The following SRI variants were observed in gnomAD, a reference collection of about 807,000 sequenced individuals.
SRI encodes the protein sorcin.
SRI carries 30 observed loss-of-function variants against 33.3 expected under a neutral mutation model. That is an observed-to-expected ratio of 0.90 (90% CI 0.67 to 1.22). SRI has a LOEUF of 1.22. Ranked by LOEUF, SRI falls within the 50% of genes most tolerant of loss-of-function variation. The pLI, the probability that SRI is intolerant of heterozygous loss-of-function variation, is 0.00. For missense variants in SRI, 243 were observed against 250.8 expected (o/e 0.97, Z 0.21); for synonymous variants, 75 against 89.9 (o/e 0.83, Z 0.94).
In SRI at chr7:88,206,522, A is replaced by G. The variant is rs1279378463; in HGVS notation, c.571-18T>C. 10 of 1,613,690 alleles carry G rather than the reference A, an allele frequency of 6.2e-6. No homozygotes were observed. Among genetic ancestry groups the G allele is most frequent in the Non-Finnish European group, 7.6e-6 (9 of 1,179,802 alleles). The stretch of plus-strand genomic sequence containing the variant: ...TGAATGAACTGAAAGAAAAATCAGC[A>G]TTATATGACAGACCTCAAAGCACTT... On this transcript the variant is annotated intron_variant, in intron 7 of 7. Transcript: ENST00000265729.
chr7:88,219,853 A>G, intron 1 of SRI, 123 bp downstream of exon 1: 1 of 1,229,330 alleles, frequency 8.1e-7, no homozygotes, highest in Non-Finnish European at 1.1e-6. Flanking sequence ...GGAGAAGCCG[A>G]GGGCGGAAGG....
At chr7:88,214,700 A>G in intron 3 of SRI, 1 of 301,492 alleles carries the variant, frequency 3.3e-6, no homozygotes, top group Non-Finnish European at 4.9e-6. Context: ...ATAACTATAA[A>G]TTATAATTAA....
chr7:88,223,937 G>A (rs1334183217), upstream of SRI, among the ~76,000 whole-genome samples: 2 of 152,218 alleles, frequency 1.3e-5, no homozygotes, highest in African/African-American at 4.8e-5. Context: ...GGAGGGTTGT[G>A]ACAACAGCAT....
chr7:88,206,848 C>G (rs1403567476), intron 7 of SRI, among the ~76,000 whole-genome samples: 7 of 152,152 alleles, frequency 4.6e-5, no homozygotes, highest in African/African-American at 1.7e-4. Flanking sequence ...ACACAAACAA[C>G]TGGAGTTTAT....
upstream of SRI, chr7:88,220,137 G>A: frequency 7.4e-7 from 1 of 1,347,022 alleles, no homozygotes; most frequent in African/African-American, 1.5e-5. Flanking sequence ...ACGCGGGCGT[G>A]GGGGACGCGC....
chr7:88,217,776 A>G (rs971127553), intron 2 of SRI, among the ~76,000 whole-genome samples: 1 of 152,190 alleles, frequency 6.6e-6, no homozygotes, highest in African/African-American at 2.4e-5. Flanking sequence ...TTGAAAGACA[A>G]TGGGTATGCT....
chr7:88,206,613 C>T (rs1851444197), intron 7 of SRI, 109 bp from the exon 8 acceptor site: 1 of 1,209,386 alleles, frequency 8.3e-7, no homozygotes, highest in African/African-American at 1.5e-5. Context: ...GTAAAACAAC[C>T]CCTACAACTT....
At chr7:88,218,498 C>G (rs1210243824) in intron 2 of SRI, among the ~76,000 whole-genome samples, 18 of 152,198 alleles carry the variant, frequency 1.2e-4, no homozygotes, top group Admixed American at 1.2e-3. Context: ...TCAAGTTCAA[C>G]CCAAAGAAAG....
chr7:88,206,332 C>G lies in SRI; in HGVS notation c.*146G>C, dbSNP rs1474155391. The G allele has an allele frequency of 4.3e-6, 4 of 923,040 alleles. No individual in the cohort carries two copies. The highest frequency in any genetic ancestry group is 1.9e-5 in the Admixed American group (1 of 51,954). The allele number at this position is 923,040 out of a possible 1,614,324, so 57.2% of individuals were successfully genotyped here. On this transcript the variant is annotated 3_prime_UTR_variant, in exon 8 of 8. Coordinates refer to ENST00000265729, the MANE Select transcript of SRI (RefSeq NM_003130.4). ...TATTATCAAAACTAAAACAAAACTT[C>G]AGTTGTACATAAAGTAATAAACTTT...
chr7:88,213,453 T>C (rs996509047), intron 3 of SRI, among the ~76,000 whole-genome samples: 1 of 152,226 alleles, frequency 6.6e-6, no homozygotes, highest in Non-Finnish European at 1.5e-5. Context: ...GCACATGCTG[T>C]TCTAACAACC....
At chr7:88,210,637 C>G (rs969188184) in intron 4 of SRI, 56 of 481,550 alleles carry the variant, frequency 1.2e-4, no homozygotes, top group African/African-American at 9.5e-4. Flanking sequence ...TCCTGACACT[C>G]TGGACTCTGT....
upstream of SRI, among the ~76,000 whole-genome samples, chr7:88,223,466 A>G (rs1220622615): frequency 6.6e-6 from 1 of 152,164 alleles, no homozygotes; most frequent in Non-Finnish European, 1.5e-5. Flanking sequence ...TGTGGGCCAT[A>G]CAGTCTCTGT....
At chr7:88,207,513 TTG>T (rs1851463190) in intron 7 of SRI, among the ~76,000 whole-genome samples, 1 of 151,600 alleles carries the variant, frequency 6.6e-6, no homozygotes, top group Non-Finnish European at 1.5e-5. Flanking sequence ...GTTTTTTTGT[TTG>T]TTTGTTTTTT....
chr7:88,213,434 G>A (rs1419854836), intron 3 of SRI, among the ~76,000 whole-genome samples: 4 of 152,122 alleles, frequency 2.6e-5, no homozygotes, highest in Non-Finnish European at 5.9e-5. Flanking sequence ...CGCTATTTCT[G>A]GGTCTTCTGC....
intron 7 of SRI, 25 bp downstream of exon 7, chr7:88,208,482 G>A (rs547835737): frequency 5.6e-6 from 9 of 1,612,916 alleles, no homozygotes; most frequent in African/African-American, 1.3e-5. Context: ...TTCATCTACT[G>A]TATCTCTTAA....
intron 4 of SRI, chr7:88,210,664 T>A (rs1274582087): frequency 3.7e-6 from 2 of 538,524 alleles, no homozygotes; most frequent in Non-Finnish European, 6.7e-6. Context: ...TCTATAATAC[T>A]CTGATGTTTC....
intron 2 of SRI, 129 bp downstream of exon 2, chr7:88,218,730 C>CT (rs201990001): frequency 8.2e-4 from 641 of 780,616 alleles, no homozygotes; most frequent in Non-Finnish European, 1.0e-3. Context: ...TAAGAAACAA[C>CT]TTTTTTTTTC....
intron 3 of SRI, among the ~76,000 whole-genome samples, chr7:88,212,361 T>G (rs1009778345): frequency 1.1e-4 from 17 of 152,208 alleles, no homozygotes; most frequent in African/African-American, 3.6e-4. Flanking sequence ...GGGAAAGAGC[T>G]GGTAGATTCT....
Position 88,219,958 on chromosome 7 carries a change from C to A in SRI, c.51+18G>T. On this transcript the variant is annotated intron_variant, in intron 1 of 7. Coordinates refer to ENST00000265729, the MANE Select transcript of SRI (RefSeq NM_003130.4). ...CCCGGAGCCGCCTGGGCCGCGATCC[C>A]GCGCAGTCAGCACTTACCCCGCCTG... 1 of 1,539,132 alleles carries A rather than the reference C, an allele frequency of 6.5e-7. No individual in the cohort carries two copies. Among genetic ancestry groups the A allele is most frequent in the Non-Finnish European group, 8.7e-7 (1 of 1,145,672 alleles).
Sources: gnomAD v4.1 joint callset for allele counts (sites outside exome capture counted in the v4.1 genomes callset) on GRCh38, gnomAD v4.1.1 for gene constraint, MANE v1.5 for transcripts, NCBI Gene and HGNC (gene_info 2026-07-23, HGNC 2026-07-21) for gene names.